The following NEBL variants were observed in gnomAD, a reference collection of about 807,000 sequenced individuals.
NEBL encodes nebulette.
Under a neutral mutation model 140.2 loss-of-function variants are expected in NEBL, and 122 were observed. That is an observed-to-expected ratio of 0.87 (90% CI 0.75 to 1.01). NEBL has a LOEUF of 1.01. Ranked by LOEUF, NEBL falls within the 50% of genes least tolerant of loss-of-function variation. The pLI, the probability that NEBL is intolerant of heterozygous loss-of-function variation, is 0.00. For synonymous variants in NEBL, 436 were observed against 398.9 expected (o/e 1.09, Z -1.11); for missense variants, 1,365 against 1,231.3 (o/e 1.11, Z -1.62).
chr10:21,073,455 A>G (rs1485854589), intron 2 of NEBL, among the ~76,000 whole-genome samples: 2 of 151,734 alleles, frequency 1.3e-5, no homozygotes, highest in Non-Finnish European at 2.9e-5. Context: ...CATCTCTACT[A>G]AAAACACAAA....
intron 12 of NEBL, among the ~76,000 whole-genome samples, chr10:20,844,336 T>A (rs78897325): frequency 0.013 from 1,922 of 151,606 alleles, 21 homozygotes; most frequent in Non-Finnish European, 0.021. Flanking sequence ...TATGTATGTA[T>A]GTAATATACA....
chr10:21,045,439 A>G (rs1241215232), intron 2 of NEBL, among the ~76,000 whole-genome samples: 1 of 152,228 alleles, frequency 6.6e-6, no homozygotes, highest in African/African-American at 2.4e-5. Context: ...CTCATAATAC[A>G]CCAAAAACCA....
chr10:20,876,441 T>C (rs1316970010), intron 5 of NEBL, among the ~76,000 whole-genome samples: 1 of 152,210 alleles, frequency 6.6e-6, no homozygotes, highest in African/African-American at 2.4e-5. Flanking sequence ...GTAAGTCTCA[T>C]CGGGGAACCA....
intron 3 of NEBL, among the ~76,000 whole-genome samples, chr10:20,999,299 C>G (rs1837792465): frequency 6.6e-6 from 1 of 152,114 alleles, no homozygotes; most frequent in Non-Finnish European, 1.5e-5. Flanking sequence ...CCCAGCCCCA[C>G]AAGAAATACA....
At chr10:20,905,684 T>C (rs1848062711) in intron 4 of NEBL, among the ~76,000 whole-genome samples, 1 of 152,022 alleles carries the variant, frequency 6.6e-6, no homozygotes, top group South Asian at 2.1e-4. Flanking sequence ...TTAGTCAAAA[T>C]GATGATAAGG....
At chr10:20,844,293 C>T (rs569088632) in intron 12 of NEBL, among the ~76,000 whole-genome samples, 2 of 151,866 alleles carry the variant, frequency 1.3e-5, no homozygotes, top group African/African-American at 4.8e-5. Context: ...ATAGTTTCCT[C>T]AGTTCAAAAA....
chr10:21,005,256 A>G (rs1838088028), intron 3 of NEBL, among the ~76,000 whole-genome samples: 1 of 152,216 alleles, frequency 6.6e-6, no homozygotes, highest in Admixed American at 6.5e-5. Context: ...ACATTTGCTA[A>G]AAGACCTAAT....
intron 21 of NEBL, among the ~76,000 whole-genome samples, chr10:20,816,521 T>C (rs1838735315): frequency 6.6e-6 from 1 of 152,188 alleles, no homozygotes. Flanking sequence ...ACTCTAAATA[T>C]ATGGGGGAAA....
At chr10:21,123,278 C>A (rs1324569474) in intron 2 of NEBL, among the ~76,000 whole-genome samples, 1 of 152,180 alleles carries the variant, frequency 6.6e-6, no homozygotes, top group African/African-American at 2.4e-5. Context: ...CATTTTGGGA[C>A]ACTCCAGTGT....
At chr10:21,275,952 C>T (rs1213576952) in intron 1 of NEBL, among the ~76,000 whole-genome samples, 2 of 149,880 alleles carry the variant, frequency 1.3e-5, no homozygotes, top group African/African-American at 4.9e-5. Flanking sequence ...GAGTGAGCCA[C>T]CACAGCCAGC....
chr10:21,104,409 A>G (rs918751238), intron 2 of NEBL, among the ~76,000 whole-genome samples: 1 of 152,172 alleles, frequency 6.6e-6, no homozygotes, highest in Admixed American at 6.5e-5. Flanking sequence ...TAATTTTTCC[A>G]GCAACATTTT....
intron 2 of NEBL, among the ~76,000 whole-genome samples, chr10:21,099,781 G>A (rs1271153044): frequency 6.6e-6 from 1 of 152,126 alleles, no homozygotes; most frequent in East Asian, 1.9e-4. Flanking sequence ...CTTGAATGTT[G>A]CAGATCAGTT....
At chr10:20,910,080 T>C (rs1434069415) in intron 4 of NEBL, among the ~76,000 whole-genome samples, 1 of 152,200 alleles carries the variant, frequency 6.6e-6, no homozygotes, top group Non-Finnish European at 1.5e-5. Flanking sequence ...CTTTAAAAAG[T>C]TGAATTTTTT....
intron 2 of NEBL, among the ~76,000 whole-genome samples, chr10:21,062,851 T>C (rs886931445): frequency 4.6e-5 from 7 of 152,060 alleles, no homozygotes; most frequent in African/African-American, 1.7e-4. Context: ...AATGCTGTGA[T>C]ATCAATTTTT....
intron 2 of NEBL, among the ~76,000 whole-genome samples, chr10:21,080,189 T>C (rs1042424218): frequency 6.6e-6 from 1 of 152,234 alleles, no homozygotes; most frequent in Admixed American, 6.5e-5. Context: ...ATGAAAGCGA[T>C]TTCTTAACAG....
chr10:20,859,200 A>G (rs1266704036), intron 8 of NEBL, among the ~76,000 whole-genome samples: 2 of 152,128 alleles, frequency 1.3e-5, no homozygotes, highest in Non-Finnish European at 2.9e-5. Context: ...TTGTAAAATG[A>G]ATTTTGATGA....
At chr10:21,218,203 A>G (rs1842022568) in intron 3 of NEBL, 1 of 152,322 alleles carries the variant, frequency 6.6e-6, no homozygotes, top group Non-Finnish European at 1.5e-5. Context: ...AGGGCCACTC[A>G]TCCCAACATC....
At chr10:21,077,937 T>C (rs1420076844) in intron 2 of NEBL, among the ~76,000 whole-genome samples, 2 of 152,072 alleles carry the variant, frequency 1.3e-5, no homozygotes, top group African/African-American at 2.4e-5. Flanking sequence ...AAAGCAACAC[T>C]ACAAGAGCCA....
chr10:20,802,178 A>C (rs116154181), intron 26 of NEBL, among the ~76,000 whole-genome samples: 1 of 152,224 alleles, frequency 6.6e-6, no homozygotes, highest in Non-Finnish European at 1.5e-5. Context: ...ACTGCAAGTT[A>C]AGGAAAACCA....
Sources: gnomAD v4.1 joint callset for allele counts (sites outside exome capture counted in the v4.1 genomes callset) on GRCh38, gnomAD v4.1.1 for gene constraint, MANE v1.5 for transcripts, NCBI Gene and HGNC (gene_info 2026-07-23, HGNC 2026-07-21) for gene names.